Variants in DNTT observed in about 807,000 individuals in gnomAD.
DNTT encodes the protein nucleosidetriphosphate:DNA deoxynucleotidylexotransferase.
A neutral mutation model predicts 60.9 loss-of-function variants in DNTT; 47 were observed. The ratio of observed to expected loss-of-function variants is 0.77; its 90% CI spans 0.61 to 0.98. The LOEUF is 0.98. Among genes scored for constraint, DNTT ranks in the 50% least tolerant of loss-of-function variants. The pLI is 0.00. For synonymous variants in DNTT, 224 were observed against 221.2 expected (o/e 1.01, Z -0.11); for missense variants, 665 against 627.5 (o/e 1.06, Z -0.64).
chr10:96,327,379 T>C, intron 6 of DNTT, 89 bp from the exon 7 acceptor site: 3 of 1,584,854 alleles, frequency 1.9e-6, no homozygotes, highest in Non-Finnish European at 2.6e-6. Context: ...ATGTTAGCTC[T>C]ATCGTGGGGA....
At chr10:96,310,311 T>A (rs2133983359) in intron 1 of DNTT, among the ~76,000 whole-genome samples, 1 of 152,346 alleles carries the variant, frequency 6.6e-6, no homozygotes, top group Admixed American at 6.5e-5. Flanking sequence ...AATGTTCTAT[T>A]CTACACTTCA....
intron 1 of DNTT, among the ~76,000 whole-genome samples, chr10:96,305,334 C>T (rs1254226672): frequency 6.6e-6 from 1 of 152,050 alleles, no homozygotes; most frequent in African/African-American, 2.4e-5. Context: ...TAATCAGAGC[C>T]CAGGCAAGGA....
In DNTT at chr10:96,328,769, C is replaced by CTTT. The variant is rs771453808; in HGVS notation, c.1052_1053insTTT (p.Pro351_Gly352insLeu). The CTTT allele has an allele frequency of 6.2e-7, 1 of 1,613,564 alleles. No homozygotes were observed. Among genetic ancestry groups the CTTT allele is most frequent in the Non-Finnish European group, 8.5e-7 (1 of 1,179,816 alleles). ...GATGTAGATTTTTTAATTACCAGCC[C>CTTT]AGGATCAACAGAGGATGAAGAGCAA... On this transcript the variant is annotated inframe_insertion, in exon 8 of 11. Transcript: ENST00000371174.
At chr10:96,336,824 G>C (rs1451764228) in intron 10 of DNTT, among the ~76,000 whole-genome samples, 2 of 151,324 alleles carry the variant, frequency 1.3e-5, no homozygotes, top group Non-Finnish European at 2.9e-5. Context: ...CACACACCCA[G>C]CTACTTGGGA....
chr10:96,315,118 A>G (rs1844772529), intron 1 of DNTT, among the ~76,000 whole-genome samples: 1 of 152,216 alleles, frequency 6.6e-6, no homozygotes, highest in Non-Finnish European at 1.5e-5. Context: ...AACTCAGGCA[A>G]CACAAGACGA....
intron 1 of DNTT, among the ~76,000 whole-genome samples, chr10:96,304,908 A>G (rs949996384): frequency 1.3e-5 from 2 of 152,360 alleles, no homozygotes; most frequent in East Asian, 3.9e-4. Context: ...AGTTGACACC[A>G]AAAGATGAGA....
Position 96,328,725 on chromosome 10 carries a change from G to A in DNTT, c.1008G>A (p.Arg336=). ...AFVTMTGGFR[R]GKKMGHDVDF... ...ATTTTATACTGCTTTTGAAAATTAG[G>A]GGTAAGAAGATGGGGCATGATGTAG... The change falls in exon 8 of 11, where the codon AGG becomes AGA. Residue 336 remains arginine, a splice_region_variant and synonymous_variant. Transcript: ENST00000371174. 3 of 1,610,756 alleles carry A rather than the reference G, an allele frequency of 1.9e-6. No individual in the cohort carries two copies. Among genetic ancestry groups the A allele is most frequent in the African/African-American group, 1.3e-5 (1 of 74,878 alleles).
At chr10:96,316,023 CCT>C (rs1200846240) in intron 1 of DNTT, among the ~76,000 whole-genome samples, 1 of 152,122 alleles carries the variant, frequency 6.6e-6, no homozygotes. Flanking sequence ...CCAGCCCACA[CCT>C]CTCTCTGAGC....
At chr10:96,314,402 CTTTTTTTTTTTTTTT>C (rs869059822) in intron 1 of DNTT, among the ~76,000 whole-genome samples, 7 of 53,230 alleles carry the variant, frequency 1.3e-4, no homozygotes, top group Admixed American at 2.7e-4. Flanking sequence ...TATCTCTTCC[CTTTTTTTTTTTTTTT>C]TTTTTTTTTT....
chr10:96,314,401 C>CTTTTTTT (rs1564870098), intron 1 of DNTT, among the ~76,000 whole-genome samples: 1 of 39,846 alleles, frequency 2.5e-5, no homozygotes, highest in African/African-American at 7.2e-5. Flanking sequence ...CTATCTCTTC[C>CTTTTTTT]CTTTTTTTTT....
At chr10:96,323,000 T>C (rs921773099) in intron 5 of DNTT, among the ~76,000 whole-genome samples, 1 of 152,226 alleles carries the variant, frequency 6.6e-6, no homozygotes, top group Non-Finnish European at 1.5e-5. Flanking sequence ...GCAATCTTTC[T>C]GGTGTCACAA....
intron 6 of DNTT, 100 bp from the exon 7 acceptor site, chr10:96,327,368 C>A: frequency 1.9e-6 from 3 of 1,549,240 alleles, no homozygotes; most frequent in Non-Finnish European, 2.7e-6. Context: ...TGCCTGTAGT[C>A]ATGTTAGCTC....
At chr10:96,331,050 A>T (rs1845000724) in intron 8 of DNTT, among the ~76,000 whole-genome samples, 1 of 152,102 alleles carries the variant, frequency 6.6e-6, no homozygotes, top group Admixed American at 6.6e-5. Context: ...TCCCACCAAG[A>T]ATGGCAACTC....
chr10:96,319,700 T>C lies in DNTT; in HGVS notation c.507+310T>C, dbSNP rs144888680. 7.8e-4 allele frequency among the ~76,000 whole-genome samples: 119 copies of C among 152,352 alleles called. 2 individuals carry two copies. In the East Asian group the frequency reaches 0.019, roughly 25 times the overall value. ...GCAAATATTCTGAAAAAACAAATAC[T>C]GGAATTAGTCCAAAACATAGTAAGA... On this transcript the variant is annotated intron_variant, in intron 3 of 10. Transcript: ENST00000371174.
intron 1 of DNTT, among the ~76,000 whole-genome samples, chr10:96,308,148 GATTAA>G (rs1465653219): frequency 1.3e-5 from 2 of 152,176 alleles, no homozygotes; most frequent in East Asian, 1.9e-4. Context: ...CTGTCAGAAG[GATTAA>G]ATTAGAGAAG....
chr10:96,309,653 C>T (rs1451613713), intron 1 of DNTT, among the ~76,000 whole-genome samples: 1 of 152,158 alleles, frequency 6.6e-6, no homozygotes, highest in African/African-American at 2.4e-5. Flanking sequence ...CTGGCAATCT[C>T]ATGGTAGTAA....
At chr10:96,319,999 C>T (rs914275353) in intron 3 of DNTT, among the ~76,000 whole-genome samples, 2 of 152,190 alleles carry the variant, frequency 1.3e-5, no homozygotes, top group African/African-American at 4.8e-5. Context: ...CTGGATGAAA[C>T]ATGTAGTAGT....
chr10:96,315,234 CT>C (rs11298506), intron 1 of DNTT, among the ~76,000 whole-genome samples: 140,220 of 147,428 alleles, frequency 0.95, 66,680 homozygotes, highest in East Asian at 0.99. Flanking sequence ...ACCAATGCTT[CT>C]TTTTTTTTTT....
At chr10:96,312,913 C>T (rs1344328035) in intron 1 of DNTT, among the ~76,000 whole-genome samples, 1 of 152,188 alleles carries the variant, frequency 6.6e-6, no homozygotes, top group Non-Finnish European at 1.5e-5. Flanking sequence ...TCTATCCAGT[C>T]TACCGTCATC....
Sources: gnomAD v4.1 joint callset for allele counts (sites outside exome capture counted in the v4.1 genomes callset) on GRCh38, gnomAD v4.1.1 for gene constraint, MANE v1.5 for transcripts, NCBI Gene and HGNC (gene_info 2026-07-23, HGNC 2026-07-21) for gene names.